Variants in C8orf34 observed in about 807,000 individuals in gnomAD.
C8orf34 encodes the protein uncharacterized protein C8orf34.
C8orf34 carries 65 observed loss-of-function variants against 68.3 expected under a neutral mutation model. The ratio of observed to expected loss-of-function variants is 0.95; its 90% CI spans 0.78 to 1.17. The LOEUF is 1.17. C8orf34 is among the 50% of genes most tolerant of loss of function. The pLI is 0.00. For synonymous variants in C8orf34, 244 were observed against 241.2 expected (o/e 1.01, Z -0.11); for missense variants, 664 against 655.4 (o/e 1.01, Z -0.14).
chr8:68,689,246 G>C (rs1037055243), intron 8 of C8orf34, among the ~76,000 whole-genome samples: 3 of 151,914 alleles, frequency 2.0e-5, no homozygotes, highest in African/African-American at 4.8e-5. Flanking sequence ...CTCGATGGAG[G>C]GGGAGTGTTG....
chr8:68,517,687 A>T (rs1333429133), intron 5 of C8orf34, among the ~76,000 whole-genome samples: 1 of 152,078 alleles, frequency 6.6e-6, no homozygotes, highest in Non-Finnish European at 1.5e-5. Flanking sequence ...ACTGCTCTCC[A>T]CTTTCTGATT....
At chr8:68,553,405 A>AAC (rs1816147029) in intron 7 of C8orf34, among the ~76,000 whole-genome samples, 3 of 141,098 alleles carry the variant, frequency 2.1e-5, no homozygotes, top group Admixed American at 7.0e-5. Flanking sequence ...AAAAAAAAAA[A>AAC]AAAAACATAT....
intron 7 of C8orf34, among the ~76,000 whole-genome samples, chr8:68,634,369 T>C (rs1182044938): frequency 6.6e-6 from 1 of 152,252 alleles, no homozygotes; most frequent in Non-Finnish European, 1.5e-5. Flanking sequence ...TTCAATACCA[T>C]TGGTATTCAA....
chr8:68,735,009 T>C (rs1563637487), intron 10 of C8orf34, among the ~76,000 whole-genome samples: 1 of 152,232 alleles, frequency 6.6e-6, no homozygotes, highest in Non-Finnish European at 1.5e-5. Context: ...CATTAACTTA[T>C]TTAAAATTAC....
chr8:68,352,466 A>G (rs930085722), intron 1 of C8orf34, among the ~76,000 whole-genome samples: 12 of 152,070 alleles, frequency 7.9e-5, no homozygotes, highest in Non-Finnish European at 1.0e-4. Flanking sequence ...ATTTTTATAG[A>G]CATTATGCAA....
At chr8:68,536,655 T>A (rs1372548577) in intron 7 of C8orf34, among the ~76,000 whole-genome samples, 1 of 152,100 alleles carries the variant, frequency 6.6e-6, no homozygotes, top group African/African-American at 2.4e-5. Flanking sequence ...AATATGGGTA[T>A]TACTATCCCA....
At chr8:68,798,958 CT>C (rs1352385878) in intron 12 of C8orf34, among the ~76,000 whole-genome samples, 1 of 152,200 alleles carries the variant, frequency 6.6e-6, no homozygotes, top group African/African-American at 2.4e-5. Context: ...ATGCTTCAGA[CT>C]ACCTGCTTTG....
chr8:68,736,950 C>G (rs1190357413), intron 10 of C8orf34, among the ~76,000 whole-genome samples: 1 of 152,024 alleles, frequency 6.6e-6, no homozygotes, highest in Non-Finnish European at 1.5e-5. Flanking sequence ...GACCTTTAAT[C>G]TCTTTAGAAA....
At chr8:68,770,357 G>A (rs60347737) in intron 10 of C8orf34, among the ~76,000 whole-genome samples, 44,496 of 152,010 alleles carry the variant, frequency 0.29, 7,118 homozygotes, top group African/African-American at 0.41. Flanking sequence ...TTTTTTGTAC[G>A]TAATAGTGAA....
chr8:68,796,472 G>T (rs1824179494), intron 12 of C8orf34, among the ~76,000 whole-genome samples: 1 of 150,576 alleles, frequency 6.6e-6, no homozygotes, highest in South Asian at 2.1e-4. Flanking sequence ...CTGCCTCTTT[G>T]GGCCCTAGTT....
chr8:68,616,695 G>A (rs796332109), intron 7 of C8orf34, among the ~76,000 whole-genome samples: 1 of 152,226 alleles, frequency 6.6e-6, no homozygotes, highest in East Asian at 1.9e-4. Context: ...TTGCTGAGGA[G>A]AGCTTTACTT....
At chr8:68,353,513 T>C (rs1235426211) in intron 1 of C8orf34, among the ~76,000 whole-genome samples, 1 of 150,582 alleles carries the variant, frequency 6.6e-6, no homozygotes, top group Non-Finnish European at 1.5e-5. Context: ...TGTGTGTATA[T>C]ATATGTGTAT....
intron 5 of C8orf34, among the ~76,000 whole-genome samples, chr8:68,489,389 A>T (rs1813214300): frequency 6.6e-6 from 1 of 152,218 alleles, no homozygotes; most frequent in Non-Finnish European, 1.5e-5. Context: ...CTCATCCAAA[A>T]TACTTGGGGC....
intron 7 of C8orf34, among the ~76,000 whole-genome samples, chr8:68,555,684 A>AT (rs1210342491): frequency 6.6e-6 from 1 of 152,216 alleles, no homozygotes; most frequent in African/African-American, 2.4e-5. Flanking sequence ...TAATGTATAT[A>AT]TTTTTTAAAT....
At chr8:68,468,258 A>G (rs10957437) in intron 3 of C8orf34, among the ~76,000 whole-genome samples, 100,079 of 151,866 alleles carry the variant, frequency 0.66, 33,237 homozygotes, top group African/African-American at 0.74. Flanking sequence ...TGTAATTTTA[A>G]TGGGAATTTG....
chr8:68,654,236 G>A lies in C8orf34; in HGVS notation c.1241+13725G>A, dbSNP rs142452618. On this transcript the variant is annotated intron_variant, in intron 8 of 13. Transcript: ENST00000518698. ...AACATCACTGGACACCAAATCTGCCGCCACCTTGATTTAGACTTCCCAGCC... is the reference window on the plus strand; with the variant it reads ...AACATCACTGGACACCAAATCTGCCACCACCTTGATTTAGACTTCCCAGCC... 9.4e-3 allele frequency among the ~76,000 whole-genome samples: 1,422 copies of A among 152,070 alleles called. 13 individuals carry two copies. Among genetic ancestry groups the A allele is most frequent in the Non-Finnish European group, 0.016 (1,100 of 67,990 alleles).
intron 8 of C8orf34, among the ~76,000 whole-genome samples, chr8:68,698,180 A>G (rs1015796736): frequency 5.3e-5 from 8 of 152,046 alleles, no homozygotes; most frequent in African/African-American, 1.9e-4. Flanking sequence ...TGACATCCCA[A>G]TTGCCATTTG....
chr8:68,499,775 C>A (rs1439906429), intron 5 of C8orf34, among the ~76,000 whole-genome samples: 1 of 152,162 alleles, frequency 6.6e-6, no homozygotes, highest in Admixed American at 6.5e-5. Context: ...GAGGAAAAAT[C>A]AACATCATGT....
At chr8:68,635,042 G>A (rs1051456273) in intron 7 of C8orf34, among the ~76,000 whole-genome samples, 1 of 152,104 alleles carries the variant, frequency 6.6e-6, no homozygotes, top group East Asian at 1.9e-4. Context: ...GAAAAAAGAG[G>A]TGCTATCCAG....
Sources: allele counts gnomAD v4.1 joint callset (sites outside exome capture counted in the v4.1 genomes callset), GRCh38; gene constraint gnomAD v4.1.1; transcripts MANE v1.5; gene names NCBI Gene and HGNC (gene_info 2026-07-23, HGNC 2026-07-21).